Variants in ZEB2 observed in about 807,000 individuals in gnomAD.
The protein encoded by ZEB2 is zinc finger E-box-binding homeobox 2.
Under a neutral mutation model 99.9 loss-of-function variants are expected in ZEB2, and 6 were observed. The ratio of observed to expected loss-of-function variants is 0.06; its 90% CI spans 0.03 to 0.12. The LOEUF (loss-of-function observed/expected upper bound fraction) is 0.12. Among genes scored for constraint, ZEB2 ranks in the 10% least tolerant of loss-of-function variants. The pLI, the probability that ZEB2 is intolerant of heterozygous loss-of-function variation, is 1.00. For missense variants in ZEB2, 969 were observed against 1,502.8 expected (o/e 0.64, Z 5.87); for synonymous variants, 517 against 542.5 (o/e 0.95, Z 0.65).
chr2:144,469,786 C>T (rs1704330066), intron 2 of ZEB2, among the ~76,000 whole-genome samples: 1 of 152,144 alleles, frequency 6.6e-6, no homozygotes, highest in African/African-American at 2.4e-5. Context: ...AGAGTTCCCC[C>T]TAATTTAACT....
intron 2 of ZEB2, among the ~76,000 whole-genome samples, chr2:144,501,580 T>C (rs373010618): frequency 6.6e-6 from 1 of 152,194 alleles, no homozygotes; most frequent in Non-Finnish European, 1.5e-5. Flanking sequence ...TAGAATGTTA[T>C]AAGCTGACAG....
intron 2 of ZEB2, among the ~76,000 whole-genome samples, chr2:144,438,344 G>A (rs1319250653): frequency 3.9e-5 from 6 of 152,122 alleles, no homozygotes; most frequent in African/African-American, 1.4e-4. Flanking sequence ...TCTTCCAGAG[G>A]AAAACAATTA....
chr2:144,454,060 ATC>A (rs1342704335), intron 2 of ZEB2, among the ~76,000 whole-genome samples: 1 of 152,194 alleles, frequency 6.6e-6, no homozygotes. Context: ...ATTACCACAA[ATC>A]TCTGTTGTTT....
chr2:144,417,138 A>G (rs1257286665), intron 4 of ZEB2, among the ~76,000 whole-genome samples: 1 of 152,178 alleles, frequency 6.6e-6, no homozygotes, highest in East Asian at 1.9e-4. Context: ...AATGCCTTGC[A>G]CTTAGTAGGG....
At position 144,388,922 on chromosome 2, in the gene ZEB2, T is replaced by G; in HGVS notation, c.*529A>C. ...AAAAAAATTGAGGCCTAAAATTGTG[T>G]GGTTACTTAAGCTGAAAAAAAAAAT... On this transcript the variant is annotated 3_prime_UTR_variant, in exon 10 of 10. Coordinates refer to ENST00000627532, the MANE Select transcript of ZEB2 (RefSeq NM_014795.4). This position sits in a 1 kb window ranked among gnomAD's most constrained non-coding sequence, Gnocchi z 5.4. 2 of 445,980 alleles carry G rather than the reference T, an allele frequency of 4.5e-6. No homozygotes were observed. Among genetic ancestry groups the G allele is most frequent in the Admixed American group, 2.6e-5 (1 of 38,818 alleles). The allele number at this position is 445,980 out of a possible 1,614,324, so 27.6% of individuals were successfully genotyped here. A position where few individuals can be genotyped will look rare whatever the true frequency, so the allele number is the denominator to read the frequency against.
At chr2:144,515,141 T>C (rs1450767075) in intron 2 of ZEB2, among the ~76,000 whole-genome samples, 3 of 152,022 alleles carry the variant, frequency 2.0e-5, no homozygotes, top group Non-Finnish European at 4.4e-5. Flanking sequence ...CTTTAAATAG[T>C]CTTCCCTGCA....
intron 4 of ZEB2, among the ~76,000 whole-genome samples, chr2:144,413,403 A>T (rs1431452811): frequency 6.6e-6 from 1 of 152,220 alleles, no homozygotes; most frequent in Admixed American, 6.5e-5. Flanking sequence ...AAACAAAGCT[A>T]ATAAAACAAC....
chr2:144,501,518 C>T (rs934424577), intron 2 of ZEB2, among the ~76,000 whole-genome samples: 2 of 152,138 alleles, frequency 1.3e-5, no homozygotes, highest in African/African-American at 4.8e-5. Flanking sequence ...TAGCCATGGA[C>T]TTGTTACAAA....
chr2:144,514,075 A>G (rs1705090728), intron 2 of ZEB2: 1 of 470,082 alleles, frequency 2.1e-6, no homozygotes. Flanking sequence ...ACTGCCCGCT[A>G]TGGGTTAACT....
chr2:144,435,459 T>G (rs916534294), intron 2 of ZEB2, among the ~76,000 whole-genome samples: 6 of 151,860 alleles, frequency 4.0e-5, no homozygotes, highest in Admixed American at 3.3e-4. Flanking sequence ...ATCAGTCAGG[T>G]ATGGTGTTGC....
intron 2 of ZEB2, chr2:144,513,014 G>C: frequency 7.8e-7 from 1 of 1,287,230 alleles, no homozygotes; most frequent in Non-Finnish European, 1.0e-6. Flanking sequence ...AGTCTGGACT[G>C]ACAGTGATCC....
intron 4 of ZEB2, among the ~76,000 whole-genome samples, chr2:144,408,538 T>C (rs1186658137): frequency 2.0e-5 from 3 of 152,238 alleles, no homozygotes; most frequent in East Asian, 1.9e-4. Flanking sequence ...TTCTGTTGTT[T>C]ATATATCTCA....
At chr2:144,390,861 G>A (rs1264177133) in intron 9 of ZEB2, among the ~76,000 whole-genome samples, 1 of 152,114 alleles carries the variant, frequency 6.6e-6, no homozygotes, top group Admixed American at 6.5e-5. Context: ...GCCACAAATA[G>A]CACTGGAATG....
intron 2 of ZEB2, among the ~76,000 whole-genome samples, chr2:144,471,354 G>T (rs962924396): frequency 6.6e-6 from 1 of 152,106 alleles, no homozygotes; most frequent in South Asian, 2.1e-4. Context: ...GCAACAAAAG[G>T]TTGTGTCAGA....
chr2:144,453,440 A>G (rs1704080778), intron 2 of ZEB2, among the ~76,000 whole-genome samples: 1 of 152,218 alleles, frequency 6.6e-6, no homozygotes, highest in South Asian at 2.1e-4. Context: ...TTTCATCTCA[A>G]ATAATTTTTC....
intron 4 of ZEB2, among the ~76,000 whole-genome samples, chr2:144,411,458 G>A (rs1184798589): frequency 6.6e-6 from 1 of 152,140 alleles, no homozygotes; most frequent in East Asian, 1.9e-4. Context: ...ATTAATAAAT[G>A]TAAGCTTTTC....
intron 2 of ZEB2, among the ~76,000 whole-genome samples, chr2:144,435,925 CT>C (rs34346875): frequency 4.6e-3 from 658 of 142,832 alleles, no homozygotes; most frequent in Middle Eastern, 7.2e-3. Flanking sequence ...TTATCATTGA[CT>C]TTTTTTTTTT....
At chr2:144,513,545 G>A (rs1705077498) in intron 2 of ZEB2, 5 of 1,529,174 alleles carry the variant, frequency 3.3e-6, no homozygotes, top group South Asian at 2.4e-5. Context: ...AGCAGTTTCC[G>A]GATTTGATTT....
At position 144,466,343 on chromosome 2, in the gene ZEB2, A is replaced by C. The variant is rs189156165; in HGVS notation, c.74-36317T>G. On this transcript the variant is annotated intron_variant, in intron 2 of 9. Transcript: ENST00000627532. ...AAGCCAATAAAAGAAAAAGAAGAAA[A>C]AAGCTAATGAGAATCATGATGGAGT... 1.1e-4 allele frequency among the ~76,000 whole-genome samples: 16 copies of C among 152,324 alleles called. No individual in the cohort carries two copies. In the East Asian group the frequency reaches 2.9e-3, roughly 28 times the overall value.
Sources: allele counts gnomAD v4.1 joint callset (sites outside exome capture counted in the v4.1 genomes callset), GRCh38; gene constraint gnomAD v4.1.1; non-coding constraint Gnocchi (gnomAD v3.1); transcripts MANE v1.5; gene names NCBI Gene and HGNC (gene_info 2026-07-23, HGNC 2026-07-21).